RFESD: variants seen among roughly 807,000 people sequenced by gnomAD.
The protein encoded by RFESD is Rieske domain-containing protein.
Under a neutral mutation model 24.4 loss-of-function variants are expected in RFESD, and 16 were observed. That is an observed-to-expected ratio of 0.66 (90% CI 0.44 to 1.00). The LOEUF (loss-of-function observed/expected upper bound fraction) is 1.00. Among genes scored for constraint, RFESD ranks in the 50% least tolerant of loss-of-function variants. The pLI, the probability that RFESD is intolerant of heterozygous loss-of-function variation, is 0.00. For missense variants in RFESD, 208 were observed against 247.0 expected (o/e 0.84, Z 1.06); for synonymous variants, 59 against 81.8 (o/e 0.72, Z 1.50).
At position 95,657,272 on chromosome 5, in the gene RFESD, G is replaced by A. The variant is rs1750818078; in HGVS notation, c.*963G>A. 1 of 151,988 alleles carries A rather than the reference G, an allele frequency of 6.6e-6. No homozygotes were observed. Among genetic ancestry groups the A allele is most frequent in the South Asian group, 2.1e-4 (1 of 4,820 alleles). 9.4% of individuals were successfully genotyped at this position (151,988 alleles called of 1,614,324 possible). ...AGTTGGTTCACCCTGGTTTTATCAT[G>A]TCAGTTATTTATGGTCAGTACCATT... is the stretch of plus-strand genomic sequence containing the variant. On this transcript the variant is annotated 3_prime_UTR_variant, in exon 6 of 6. Transcript: ENST00000380005.
At chr5:95,655,856 A>G in intron 5 of RFESD, 190 bp from the exon 6 acceptor site, 1 of 546,530 alleles carries the variant, frequency 1.8e-6, no homozygotes, top group East Asian at 3.0e-5. Flanking sequence ...TGGCTTTCTA[A>G]TCAACTGTAA....
At chr5:95,654,454 T>C (rs1750599682) in intron 5 of RFESD, 87 bp downstream of exon 5, 4 of 878,152 alleles carry the variant, frequency 4.6e-6, no homozygotes, top group Admixed American at 2.4e-5. Flanking sequence ...TATATTTTAA[T>C]GCTTTGAATA....
At chr5:95,655,953 T>A in intron 5 of RFESD, 93 bp from the exon 6 acceptor site, 1 of 1,235,620 alleles carries the variant, frequency 8.1e-7, no homozygotes, top group Non-Finnish European at 1.1e-6. Flanking sequence ...GCTAACCTGT[T>A]TTTTTAACCT....
intron 5 of RFESD, among the ~76,000 whole-genome samples, 170 bp downstream of exon 5, chr5:95,654,537 CTA>C (rs1750608329): frequency 6.6e-6 from 1 of 152,124 alleles, no homozygotes; most frequent in African/African-American, 2.4e-5. Context: ...CAATTATACT[CTA>C]TATCTATTCT....
At chr5:95,653,256 G>C (rs774787760) in intron 3 of RFESD, 42 bp downstream of exon 3, 143 of 1,549,914 alleles carry the variant, frequency 9.2e-5, no homozygotes, top group Non-Finnish European at 1.0e-4. Context: ...ACCTTCTCTT[G>C]CTGTAATAGC....
rs1417095522 is a variant in RFESD at position 95,656,737 on chromosome 5, A to G, written c.*428A>G. ...AGTATATACAAAGTAAACAGACTAT[A>G]TAATGAACTTCCATCACTCAGCTTT... On this transcript the variant is annotated 3_prime_UTR_variant, in exon 6 of 6. Transcript: ENST00000380005. 2.6e-5 allele frequency: 4 copies of G among 153,666 alleles called. No individual in the cohort carries two copies. The highest frequency in any genetic ancestry group is 3.8e-4 in the East Asian group (2 of 5,238). The allele number at this position is 153,666 out of a possible 1,614,324, so 9.5% of individuals were successfully genotyped here. A position where few individuals can be genotyped will look rare whatever the true frequency, so the allele number is the denominator to read the frequency against.
Position 95,656,554 on chromosome 5 carries a change from T to A in RFESD, c.*245T>A. On this transcript the variant is annotated 3_prime_UTR_variant, in exon 6 of 6. Coordinates refer to ENST00000380005, the MANE Select transcript of RFESD (RefSeq NM_001131066.2). Reference sequence around the variant, plus strand: ...AAACCTGAAGGTTATAGGTTTGGGATGTTCTGTTTAAGAAGGATAAAAATA... The same window carrying A: ...AAACCTGAAGGTTATAGGTTTGGGAAGTTCTGTTTAAGAAGGATAAAAATA... The A allele has an allele frequency of 3.0e-6, 1 of 332,324 alleles. No individual in the cohort carries two copies. Among genetic ancestry groups the A allele is most frequent in the Non-Finnish European group, 5.4e-6 (1 of 184,694 alleles). 20.6% of individuals were successfully genotyped at this position (332,324 alleles called of 1,614,324 possible).
intron 1 of RFESD, among the ~76,000 whole-genome samples, chr5:95,648,892 C>CTTTTTTTTTT (rs35016122): frequency 2.8e-5 from 2 of 72,426 alleles, no homozygotes; most frequent in Admixed American, 1.5e-4. Flanking sequence ...GATAGTAGTG[C>CTTTTTTTTTT]TTTTTTTTTT....
At position 95,657,348 on chromosome 5, in the gene RFESD, A is replaced by C. The variant is rs1750823426; in HGVS notation, c.*1039A>C. 1 of 151,812 alleles carries C rather than the reference A, an allele frequency of 6.6e-6. No homozygotes were observed. Among genetic ancestry groups the C allele is most frequent in the Non-Finnish European group, 1.5e-5 (1 of 67,924 alleles). 9.4% of individuals were successfully genotyped at this position (151,812 alleles called of 1,614,324 possible). A position where few individuals can be genotyped will look rare whatever the true frequency, so the allele number is the denominator to read the frequency against. ...CCAGTTGTAATGTATTTAAAATAAC[A>C]CCCCAAGCACCCACCATGCAAAAAT... On this transcript the variant is annotated 3_prime_UTR_variant, in exon 6 of 6. Coordinates refer to ENST00000380005, the MANE Select transcript of RFESD (RefSeq NM_001131066.2).
intron 5 of RFESD, chr5:95,655,444 A>G (rs1580268750): frequency 6.6e-6 from 1 of 152,238 alleles, no homozygotes; most frequent in Non-Finnish European, 1.5e-5. Flanking sequence ...TTGGTGTCAC[A>G]TGGGAGCTTC....
chr5:95,650,836 C>A (rs531685759), intron 1 of RFESD, among the ~76,000 whole-genome samples: 4 of 152,154 alleles, frequency 2.6e-5, no homozygotes, highest in African/African-American at 9.7e-5. Flanking sequence ...TGGTGGCTCA[C>A]GCCTGTAATC....
intron 2 of RFESD, 118 bp downstream of exon 2, chr5:95,652,449 A>C: frequency 7.6e-7 from 1 of 1,319,870 alleles, no homozygotes; most frequent in South Asian, 1.7e-5. Flanking sequence ...TGTCTCTGAG[A>C]TACCTTAAAC....
Position 95,652,338 on chromosome 5 carries a change from C to T in RFESD, c.60+7C>T. On this transcript the variant is annotated splice_region_variant and intron_variant, in intron 2 of 5. Coordinates refer to ENST00000380005, the MANE Select transcript of RFESD (RefSeq NM_001131066.2). Reference sequence around the variant, plus strand: ...ATCTACACTTCCTCTCCAAGTGAGTCCATAGAATTCTATGACCTGGAAACT... The same window carrying T: ...ATCTACACTTCCTCTCCAAGTGAGTTCATAGAATTCTATGACCTGGAAACT... 1 of 1,549,976 alleles carries T rather than the reference C, an allele frequency of 6.5e-7. No homozygotes were observed. Among genetic ancestry groups the T allele is most frequent in the South Asian group, 1.2e-5 (1 of 83,824 alleles).
At chr5:95,648,497 A>C (rs764633182) in intron 1 of RFESD, among the ~76,000 whole-genome samples, 2 of 152,234 alleles carry the variant, frequency 1.3e-5, no homozygotes, top group African/African-American at 2.4e-5. Context: ...TATTGTGTGA[A>C]TGGATCATGA....
In RFESD at chr5:95,657,206, A is replaced by G. The variant is rs956072719; in HGVS notation, c.*897A>G. On this transcript the variant is annotated 3_prime_UTR_variant, in exon 6 of 6. Transcript: ENST00000380005. ...TATAAATATTATAGAGAGGAGATCTAGGGTTTTGTTCCTTGGAGTTCCCGA... is the reference window on the plus strand; with the variant it reads ...TATAAATATTATAGAGAGGAGATCTGGGGTTTTGTTCCTTGGAGTTCCCGA... The G allele has an allele frequency of 2.0e-5, 3 of 152,160 alleles. No homozygotes were observed. The highest frequency in any genetic ancestry group is 7.2e-5 in the African/African-American group (3 of 41,428). The allele number at this position is 152,160 out of a possible 1,614,324, so 9.4% of individuals were successfully genotyped here.
At chr5:95,650,769 A>T (rs1288102379) in intron 1 of RFESD, among the ~76,000 whole-genome samples, 1 of 152,110 alleles carries the variant, frequency 6.6e-6, no homozygotes, top group African/African-American at 2.4e-5. Context: ...AACCATTCTA[A>T]GCTAGGTACA....
chr5:95,648,822 T>C (rs535526506), intron 1 of RFESD, among the ~76,000 whole-genome samples: 1 of 152,090 alleles, frequency 6.6e-6, no homozygotes, highest in Non-Finnish European at 1.5e-5. Context: ...TATTTGGGAG[T>C]TGGGAAAACA....
At position 95,657,038 on chromosome 5, in the gene RFESD, C is replaced by T. The variant is rs1302687835; in HGVS notation, c.*729C>T. Reference sequence around the variant, plus strand: ...CAGATCTTGAAGTAAGGAAGCCAGACACAGCTGCTGCCCAGCCATGAGAGA... The same window carrying T: ...CAGATCTTGAAGTAAGGAAGCCAGATACAGCTGCTGCCCAGCCATGAGAGA... On this transcript the variant is annotated 3_prime_UTR_variant, in exon 6 of 6. Coordinates refer to ENST00000380005, the MANE Select transcript of RFESD (RefSeq NM_001131066.2). 1.3e-5 allele frequency: 2 copies of T among 152,150 alleles called. No individual in the cohort carries two copies. The highest frequency in any genetic ancestry group is 6.5e-5 in the Admixed American group (1 of 15,270). 9.4% of individuals were successfully genotyped at this position (152,150 alleles called of 1,614,324 possible). A position where few individuals can be genotyped will look rare whatever the true frequency, so the allele number is the denominator to read the frequency against.
At position 95,654,194 on chromosome 5, in the gene RFESD, T is replaced by C. The variant is rs1750561599; in HGVS notation, c.292T>C (p.Tyr98His). ...VVHDREVVIF[Y>H]HKGEYHAMDI... ...CCATGATAGAGAAGTGGTCATTTTC[T>C]ACCACAAGGGAGAATATCATGCTAT... Residue 98 changes from tyrosine (Y) to histidine (H), a missense_variant, in exon 4 of 6, where the codon TAC becomes CAC. Physicochemically the swap from Tyr to His is moderately conservative, Grantham distance 83. Coordinates refer to ENST00000380005, the MANE Select transcript of RFESD (RefSeq NM_001131066.2). 2 of 1,613,074 alleles carry C rather than the reference T, an allele frequency of 1.2e-6. No individual in the cohort carries two copies. The highest frequency in any genetic ancestry group is 1.7e-6 in the Non-Finnish European group (2 of 1,179,748).
Sources: gnomAD v4.1 joint callset for allele counts (sites outside exome capture counted in the v4.1 genomes callset) on GRCh38, gnomAD v4.1.1 for gene constraint, MANE v1.5 for transcripts, NCBI Gene and HGNC (gene_info 2026-07-23, HGNC 2026-07-21) for gene names.